ILF2: variants seen among roughly 807,000 people sequenced by gnomAD.
ILF2 encodes interleukin enhancer-binding factor 2.
In ILF2, 9 loss-of-function variants were observed where a neutral mutation model predicts 55.3. The ratio of observed to expected loss-of-function variants is 0.16; its 90% CI spans 0.10 to 0.28. The LOEUF is 0.28. ILF2 is among the 10% of genes least tolerant of loss of function. The pLI is 1.00. For synonymous variants in ILF2, 151 were observed against 161.8 expected, an observed-to-expected ratio of 0.93 and a Z score of 0.50; for missense variants, 266 against 474.9, an observed-to-expected ratio of 0.56 and a Z score of 4.09.
intron 6 of ILF2, 49 bp from the exon 7 acceptor site, chr1:153,665,777 C>A (rs1371592089): frequency 7.1e-6 from 10 of 1,410,200 alleles, no homozygotes; most frequent in African/African-American, 1.4e-5. Context: ...TTTGCCTAGA[C>A]TTTCTATGTA....
intron 3 of ILF2, among the ~76,000 whole-genome samples, chr1:153,668,981 G>A (rs1042469855): frequency 2.6e-5 from 4 of 152,066 alleles, no homozygotes; most frequent in Middle Eastern, 3.2e-3. Context: ...GAGGTGGGCA[G>A]ATCACTTGAG....
At chr1:153,664,543 AC>A (rs1669259220) in intron 8 of ILF2, 69 bp from the exon 9 acceptor site, 1 of 1,248,726 alleles carries the variant, frequency 8.0e-7, no homozygotes, top group Non-Finnish European at 1.2e-6. Context: ...TACCACTGCT[AC>A]AGTCTTAAAA....
intron 8 of ILF2, 124 bp from the exon 9 acceptor site, chr1:153,664,598 C>T: frequency 1.3e-6 from 1 of 780,052 alleles, no homozygotes; most frequent in Non-Finnish European, 2.2e-6. Flanking sequence ...CTCTGTTGTC[C>T]AGGCTGGATT....
Position 153,662,815 on chromosome 1 carries a change from G to A in ILF2, c.922-20C>T. The stretch of plus-strand genomic sequence containing the variant: ...CATGTCCTGAAGGAAAGCAAAGTGA[G>A]AGTAAGCAAGGAAAATCAAAGGACC... On this transcript the variant is annotated intron_variant, in intron 12 of 13. Transcript: ENST00000361891. The A allele has an allele frequency of 6.3e-7, 1 of 1,598,734 alleles. No individual in the cohort carries two copies. The highest frequency in any genetic ancestry group is 8.6e-7 in the Non-Finnish European group (1 of 1,166,390).
intron 6 of ILF2, among the ~76,000 whole-genome samples, chr1:153,666,527 T>C (rs1335302064): frequency 6.6e-6 from 1 of 152,028 alleles, no homozygotes; most frequent in Non-Finnish European, 1.5e-5. Flanking sequence ...GCTAATTTTT[T>C]TCTTTTTGTA....
chr1:153,662,458 C>T lies in ILF2; in HGVS notation c.1111G>A (p.Glu371Lys). ...PPEKKEGEEE[E>K]ENTEEPPQGE... ...TGAGGTGGTTCTTCTGTATTCTCCT[C>T]TTCTTCCTCTCCTTCCTTCTTCTCT... Residue 371 changes from glutamate to lysine, a missense_variant, in exon 14 of 14, where the codon GAG becomes AAG. Coordinates refer to ENST00000361891, the MANE Select transcript of ILF2 (RefSeq NM_004515.4). The T allele has an allele frequency of 1.2e-6, 2 of 1,613,360 alleles. No homozygotes were observed. The highest frequency in any genetic ancestry group is 1.7e-6 in the Non-Finnish European group (2 of 1,179,272).
At chr1:153,667,926 A>T in intron 5 of ILF2, 74 bp downstream of exon 5, 2 of 1,072,588 alleles carry the variant, frequency 1.9e-6, no homozygotes, top group Non-Finnish European at 2.8e-6. Context: ...ACTGAAAATT[A>T]AAAGTCAAGA....
intron 12 of ILF2, 66 bp downstream of exon 12, chr1:153,662,953 T>G (rs1178544976): frequency 2.1e-6 from 3 of 1,415,262 alleles, no homozygotes; most frequent in Non-Finnish European, 3.0e-6. Flanking sequence ...TATTCCGCTT[T>G]GCCTGCTGAG....
At position 153,662,501 on chromosome 1, in the gene ILF2, C is replaced by T; in HGVS notation, c.1068G>A (p.Lys356=). The change falls in exon 14 of 14, where the codon AAG becomes AAA. Residue 356 remains lysine, a synonymous_variant. Transcript: ENST00000361891. ...WDGVIVTPSE[K]AYEKPPEKKE... ...TCTTCTCTGGTGGCTTCTCATAAGC[C>T]TTTTCTGAAGGTGTTACTATCACTC... 6.2e-7 allele frequency: 1 copy of T among 1,614,050 alleles called. No individual in the cohort carries two copies. Among genetic ancestry groups the T allele is most frequent in the East Asian group, 2.2e-5 (1 of 44,878 alleles).
At chr1:153,670,111 A>G in intron 2 of ILF2, 60 bp downstream of exon 2, 1 of 1,536,778 alleles carries the variant, frequency 6.5e-7, no homozygotes, top group South Asian at 1.1e-5. Context: ...TAAAACTCCT[A>G]TTTAGATGAC....
intron 3 of ILF2, 134 bp downstream of exon 3, chr1:153,669,702 A>T (rs1669396368): frequency 3.9e-6 from 3 of 768,100 alleles, no homozygotes; most frequent in African/African-American, 1.7e-5. Context: ...TCGGCCTCCC[A>T]AAGTGCTGAG....
chr1:153,667,677 G>A lies in ILF2; in HGVS notation c.292-20C>T, dbSNP rs973921961. On this transcript the variant is annotated intron_variant, in intron 5 of 13. Coordinates refer to ENST00000361891, the MANE Select transcript of ILF2 (RefSeq NM_004515.4). ...AATTTGCTGTTGGAAAAAGGATTTCGGGGAAAAACAATTTAGAAGAAAAAA... is the reference window on the plus strand; with the variant it reads ...AATTTGCTGTTGGAAAAAGGATTTCAGGGAAAAACAATTTAGAAGAAAAAA... The A allele has an allele frequency of 1.5e-5, 23 of 1,543,386 alleles. 1 individual carries two copies. Among genetic ancestry groups the A allele is most frequent in the South Asian group, 3.4e-5 (3 of 87,256 alleles).
rs771127131 is a variant in ILF2, at chr1:153,670,149, GA to G, written c.65+21del. 7 of 1,611,436 alleles carry G rather than the reference GA, an allele frequency of 4.3e-6. No homozygotes were observed. In the South Asian group the frequency reaches 7.7e-5, roughly 18 times the overall value. On this transcript the variant is annotated intron_variant, in intron 2 of 13. Coordinates refer to ENST00000361891, the MANE Select transcript of ILF2 (RefSeq NM_004515.4). ...GCAGAAACTAACAACCAAGTGCAGA[GA>G]TGCTAAAAGCTGGTACTCACCCTCC...
chr1:153,667,948 T>C, intron 5 of ILF2, 52 bp downstream of exon 5: 1 of 1,312,728 alleles, frequency 7.6e-7, no homozygotes, highest in Non-Finnish European at 1.1e-6. Context: ...CCAAGGCAAT[T>C]TCCACACTAC....
chr1:153,667,666 A>C lies in ILF2; in HGVS notation c.292-9T>G. Reference sequence around the variant, plus strand: ...CGAACTTCTTCAATTTGCTGTTGGAAAAAGGATTTCGGGGAAAAACAATTT... The same window carrying C: ...CGAACTTCTTCAATTTGCTGTTGGACAAAGGATTTCGGGGAAAAACAATTT... On this transcript the variant is annotated splice_polypyrimidine_tract_variant and intron_variant, in intron 5 of 13. Transcript: ENST00000361891. 3 of 1,581,662 alleles carry C rather than the reference A, an allele frequency of 1.9e-6. No individual in the cohort carries two copies. Among genetic ancestry groups the C allele is most frequent in the Non-Finnish European group, 2.6e-6 (3 of 1,158,042 alleles).
At chr1:153,669,977 G>T in intron 2 of ILF2, 99 bp from the exon 3 acceptor site, 1 of 1,145,350 alleles carries the variant, frequency 8.7e-7, no homozygotes, top group Non-Finnish European at 1.3e-6. Context: ...TCCTCAGAAT[G>T]AGTGACAAAG....
chr1:153,666,539 G>C (rs1030470735), intron 6 of ILF2, among the ~76,000 whole-genome samples: 1 of 151,784 alleles, frequency 6.6e-6, no homozygotes, highest in African/African-American at 2.4e-5. Flanking sequence ...CTTTTTGTAG[G>C]TACAGGATCT....
rs992112555 is a variant in ILF2 at position 153,665,685 on chromosome 1, T to C, written c.438A>G (p.Leu146=). 4 of 1,613,618 alleles carry C rather than the reference T, an allele frequency of 2.5e-6. No homozygotes were observed. Among genetic ancestry groups the C allele is most frequent in the Admixed American group, 3.3e-5 (2 of 59,910 alleles). ...AALGNKVVES[L]RAQDPSEVLT... The stretch of plus-strand genomic sequence containing the variant: ...AACCTTCAGAAGGATCCTGTGCTCT[T>C]AGGCTTTCCACGACTTTGTTCCCCA... The change falls in exon 7 of 14, where the codon CTA becomes CTG. Residue 146 remains leucine, a synonymous_variant. Coordinates refer to ENST00000361891, the MANE Select transcript of ILF2 (RefSeq NM_004515.4).
At position 153,667,676 on chromosome 1, in the gene ILF2, C is replaced by G; in HGVS notation, c.292-19G>C. 1 of 1,544,548 alleles carries G rather than the reference C, an allele frequency of 6.5e-7. No homozygotes were observed. Among genetic ancestry groups the G allele is most frequent in the Non-Finnish European group, 8.9e-7 (1 of 1,126,524 alleles). On this transcript the variant is annotated intron_variant, in intron 5 of 13. Coordinates refer to ENST00000361891, the MANE Select transcript of ILF2 (RefSeq NM_004515.4). The stretch of plus-strand genomic sequence containing the variant: ...CAATTTGCTGTTGGAAAAAGGATTT[C>G]GGGGAAAAACAATTTAGAAGAAAAA...
Sources: gnomAD v4.1 joint callset for allele counts (sites outside exome capture counted in the v4.1 genomes callset) on GRCh38, gnomAD v4.1.1 for gene constraint, MANE v1.5 for transcripts, NCBI Gene and HGNC (gene_info 2026-07-23, HGNC 2026-07-21) for gene names.